FARS2: variants seen among roughly 807,000 people sequenced by gnomAD.
FARS2 encodes phenylalanyl-tRNA synthetase 2, mitochondrial, also known as phenylalanine--tRNA ligase, mitochondrial.
FARS2 carries 40 observed loss-of-function variants against 46.4 expected under a neutral mutation model. The ratio of observed to expected loss-of-function variants is 0.86; its 90% confidence interval spans 0.67 to 1.12. The LOEUF (loss-of-function observed/expected upper bound fraction) is 1.12, where lower values mean the gene tolerates loss of function less well. Among genes scored for constraint, FARS2 ranks in the 50% most tolerant of loss-of-function variants. FARS2 has a pLI of 0.00. For synonymous variants in FARS2, 234 were observed against 214.9 expected, an observed-to-expected ratio of 1.09 and a Z score of -0.78; for missense variants, 513 against 567.9, an observed-to-expected ratio of 0.90 and a Z score of 0.98.
intron 4 of FARS2, among the ~76,000 whole-genome samples, chr6:5,522,752 C>T (rs545729440): frequency 6.6e-6 from 1 of 152,312 alleles, no homozygotes; most frequent in South Asian, 2.1e-4. Flanking sequence ...CAAGATTTAA[C>T]ATTGGAAAGA....
At chr6:5,498,544 C>G (rs1212995973) in intron 4 of FARS2, among the ~76,000 whole-genome samples, 1 of 152,204 alleles carries the variant, frequency 6.6e-6, no homozygotes, top group African/African-American at 2.4e-5. Flanking sequence ...AGCGGAGTGA[C>G]TGCACGCACC....
At chr6:5,558,905 A>G (rs1341259596) in intron 5 of FARS2, among the ~76,000 whole-genome samples, 2 of 152,106 alleles carry the variant, frequency 1.3e-5, no homozygotes, top group Non-Finnish European at 2.9e-5. Flanking sequence ...CCCTTGTAAG[A>G]GTCCATATGG....
At position 5,685,365 on chromosome 6, in the gene FARS2, A is replaced by G. The variant is rs147386060; in HGVS notation, c.1217+72045A>G. Among the ~76,000 whole-genome samples, 416 of 152,294 alleles carry G rather than the reference A, an allele frequency of 2.7e-3. 1 individual carries two copies. Among genetic ancestry groups the G allele is most frequent in the Non-Finnish European group, 5.2e-3 (353 of 68,024 alleles). Reference sequence around the variant, plus strand: ...GAAAAGATTTAGGTGGGGAGATCCAATGGCTGGCTTCAGAACTGCCCTGTC... The same window carrying G: ...GAAAAGATTTAGGTGGGGAGATCCAGTGGCTGGCTTCAGAACTGCCCTGTC... On this transcript the variant is annotated intron_variant, in intron 6 of 6. Coordinates refer to ENST00000274680, the MANE Select transcript of FARS2 (RefSeq NM_006567.5).
chr6:5,341,238 T>A (rs1200109608), intron 1 of FARS2, among the ~76,000 whole-genome samples: 13 of 30,152 alleles, frequency 4.3e-4, no homozygotes, highest in African/African-American at 1.8e-3. Context: ...TATATATATT[T>A]TTTTTTTTTT....
At chr6:5,368,484 C>A in intron 1 of FARS2, 66 bp from the exon 2 acceptor site, 2 of 1,423,574 alleles carry the variant, frequency 1.4e-6, no homozygotes, top group Admixed American at 4.3e-5. Context: ...GTGGGAGATG[C>A]AAAGAACACA....
chr6:5,531,532 C>T lies in FARS2; in HGVS notation c.905-13648C>T, dbSNP rs6902371. Among the ~76,000 whole-genome samples, 670 of 152,240 alleles carry T rather than the reference C, an allele frequency of 4.4e-3. 2 individuals carry two copies. Among genetic ancestry groups the T allele is most frequent in the African/African-American group, 0.015 (638 of 41,542 alleles). On this transcript the variant is annotated intron_variant, in intron 4 of 6. Transcript: ENST00000274680. Reference sequence around the variant, plus strand: ...GATTAGAATGCCATCCAGCTCAGACCGTATTAAAGAACACTGCTTGTAAGA... The same window carrying T: ...GATTAGAATGCCATCCAGCTCAGACTGTATTAAAGAACACTGCTTGTAAGA...
intron 1 of FARS2, among the ~76,000 whole-genome samples, chr6:5,297,756 A>G (rs150172390): frequency 7.2e-5 from 11 of 152,360 alleles, no homozygotes; most frequent in African/African-American, 1.9e-4. Flanking sequence ...TTCCAAATTT[A>G]TGCTTTCAAA....
At chr6:5,335,515 TATC>T (rs35386016) in intron 1 of FARS2, among the ~76,000 whole-genome samples, 26,940 of 152,114 alleles carry the variant, frequency 0.18, 2,880 homozygotes, top group East Asian at 0.48. Context: ...TAGTTAGACT[TATC>T]ATTCAGATAG....
At chr6:5,543,284 C>T (rs1305129452) in intron 4 of FARS2, among the ~76,000 whole-genome samples, 4 of 152,064 alleles carry the variant, frequency 2.6e-5, no homozygotes, top group Non-Finnish European at 5.9e-5. Context: ...GGACTTTGCA[C>T]ACCTAATCCT....
At chr6:5,339,645 A>G (rs1771413666) in intron 1 of FARS2, among the ~76,000 whole-genome samples, 1 of 152,012 alleles carries the variant, frequency 6.6e-6, no homozygotes, top group Admixed American at 6.6e-5. Flanking sequence ...ATGTTGCCCA[A>G]GCTGGTCTCA....
At chr6:5,278,482 T>G (rs921853300) in intron 1 of FARS2, among the ~76,000 whole-genome samples, 1 of 152,206 alleles carries the variant, frequency 6.6e-6, no homozygotes, top group Non-Finnish European at 1.5e-5. Context: ...TTACACAAAG[T>G]TTTTTACTAA....
At chr6:5,446,202 T>TAAAA (rs1277761196) in intron 4 of FARS2, among the ~76,000 whole-genome samples, 4 of 136,176 alleles carry the variant, frequency 2.9e-5, no homozygotes, top group Admixed American at 1.5e-4. Context: ...GACTCCATCT[T>TAAAA]AAAAAAAAAA....
chr6:5,743,007 G>GA (rs1488345654), intron 6 of FARS2, among the ~76,000 whole-genome samples: 1 of 151,990 alleles, frequency 6.6e-6, no homozygotes, highest in Non-Finnish European at 1.5e-5. Flanking sequence ...TGTGAGGGTG[G>GA]AGTGGGGTGT....
chr6:5,607,943 A>G lies in FARS2; in HGVS notation c.1066-5226A>G, dbSNP rs931301576. On this transcript the variant is annotated intron_variant, in intron 5 of 6. Coordinates refer to ENST00000274680, the MANE Select transcript of FARS2 (RefSeq NM_006567.5). ...AGGTCATATACCTTTCAAACACCCC[A>G]AGAACATTGATTATATTGCTACTTT... Among the ~76,000 whole-genome samples, 78 of 151,866 alleles carry G rather than the reference A, an allele frequency of 5.1e-4. 1 individual carries two copies. Among genetic ancestry groups the G allele is most frequent in the Non-Finnish European group, 1.2e-4 (8 of 67,974 alleles).
intron 4 of FARS2, among the ~76,000 whole-genome samples, chr6:5,522,175 T>G (rs1039251696): frequency 1.3e-5 from 2 of 152,158 alleles, no homozygotes; most frequent in African/African-American, 4.8e-5. Context: ...CCATGCACAG[T>G]CATAAGCTCT....
chr6:5,441,646 T>C (rs1763849868), intron 4 of FARS2, among the ~76,000 whole-genome samples: 1 of 152,210 alleles, frequency 6.6e-6, no homozygotes, highest in South Asian at 2.1e-4. Flanking sequence ...CATTCATCCA[T>C]TCTTTAATGA....
intron 1 of FARS2, among the ~76,000 whole-genome samples, chr6:5,363,686 C>T (rs974592721): frequency 6.6e-6 from 1 of 152,110 alleles, no homozygotes; most frequent in Non-Finnish European, 1.5e-5. Context: ...TATTTGGGTC[C>T]AGGAAACAGG....
At chr6:5,739,109 C>T (rs768622232) in intron 6 of FARS2, among the ~76,000 whole-genome samples, 5 of 152,246 alleles carry the variant, frequency 3.3e-5, no homozygotes, top group Middle Eastern at 3.4e-3. Context: ...ATTATGTACA[C>T]GGAGTCACAC....
chr6:5,508,192 TG>T (rs1768212880), intron 4 of FARS2, among the ~76,000 whole-genome samples: 1 of 152,148 alleles, frequency 6.6e-6, no homozygotes, highest in Non-Finnish European at 1.5e-5. Context: ...ATCAAGTCAG[TG>T]ATATAAACCA....
Sources: allele counts gnomAD v4.1 joint callset (sites outside exome capture counted in the v4.1 genomes callset), GRCh38; gene constraint gnomAD v4.1.1; transcripts MANE v1.5; gene names NCBI Gene and HGNC (gene_info 2026-07-23, HGNC 2026-07-21).